The following FHIT variants were observed in gnomAD, a reference collection of about 807,000 sequenced individuals.
FHIT encodes fragile histidine triad diadenosine triphosphatase, also known as bis(5'-adenosyl)-triphosphatase.
FHIT carries 19 observed loss-of-function variants against 17.9 expected under a neutral mutation model. The ratio of observed to expected loss-of-function variants is 1.06; its 90% CI spans 0.74 to 1.56. The LOEUF is 1.56. Ranked by LOEUF, FHIT falls within the 40% of genes most tolerant of loss-of-function variation. FHIT has a pLI of 0.00. For synonymous variants in FHIT, 81 were observed against 69.7 expected (o/e 1.16, Z -0.81); for missense variants, 248 against 189.2 (o/e 1.31, Z -1.82).
chr3:60,579,609 C>CTA (rs1559555178), intron 4 of FHIT, among the ~76,000 whole-genome samples: 1 of 152,014 alleles, frequency 6.6e-6, no homozygotes. Context: ...ACATATATAC[C>CTA]TATATATACA....
chr3:60,980,529 G>A lies in FHIT; in HGVS notation c.-111+61518C>T, dbSNP rs529447130. Among the ~76,000 whole-genome samples, 8 of 152,244 alleles carry A rather than the reference G, an allele frequency of 5.3e-5. No individual in the cohort carries two copies. In the South Asian group the frequency reaches 1.7e-3, roughly 32 times the overall value. ...CTACTTACTGTGGGAAGTTATCACAGAAAATGAAAATCTCCTCTCTGCCTA... is the reference window on the plus strand; with the variant it reads ...CTACTTACTGTGGGAAGTTATCACAAAAAATGAAAATCTCCTCTCTGCCTA... On this transcript the variant is annotated intron_variant, in intron 3 of 9. Coordinates refer to ENST00000492590, the MANE Select transcript of FHIT (RefSeq NM_002012.4).
At chr3:60,547,330 T>G (rs2036400939) in intron 4 of FHIT, among the ~76,000 whole-genome samples, 1 of 152,142 alleles carries the variant, frequency 6.6e-6, no homozygotes, top group African/African-American at 2.4e-5. Flanking sequence ...CAGTCCAAGG[T>G]TTAGACCCTT....
At chr3:59,991,337 G>T (rs1001949005) in intron 7 of FHIT, among the ~76,000 whole-genome samples, 1 of 152,068 alleles carries the variant, frequency 6.6e-6, no homozygotes, top group African/African-American at 2.4e-5. Flanking sequence ...ATCTTCTCCA[G>T]GTAGAAAGGT....
chr3:61,003,448 A>C (rs1032160356), intron 3 of FHIT, among the ~76,000 whole-genome samples: 1 of 152,234 alleles, frequency 6.6e-6, no homozygotes, highest in Admixed American at 6.5e-5. Flanking sequence ...GTACTGAAAC[A>C]TTAGTGATGA....
intron 5 of FHIT, among the ~76,000 whole-genome samples, chr3:60,305,190 G>A (rs1353931232): frequency 2.0e-5 from 3 of 151,934 alleles, no homozygotes; most frequent in East Asian, 1.9e-4. Flanking sequence ...AATATTCTAG[G>A]TCAGGCAGAG....
At chr3:60,244,765 A>G (rs1477362739) in intron 5 of FHIT, among the ~76,000 whole-genome samples, 1 of 152,146 alleles carries the variant, frequency 6.6e-6, no homozygotes, top group African/African-American at 2.4e-5. Context: ...TTAAAATTCT[A>G]GATGTTTCAC....
chr3:60,541,541 A>G (rs1203528218), intron 4 of FHIT, among the ~76,000 whole-genome samples: 1 of 152,232 alleles, frequency 6.6e-6, no homozygotes, highest in African/African-American at 2.4e-5. Context: ...CCAGGCACCC[A>G]TAGTCCTTTG....
intron 5 of FHIT, among the ~76,000 whole-genome samples, chr3:60,044,739 T>C (rs756260771): frequency 6.6e-6 from 1 of 152,192 alleles, no homozygotes; most frequent in African/African-American, 2.4e-5. Flanking sequence ...ACAAGCTTTC[T>C]TCTAAATGAG....
At chr3:60,049,674 C>T (rs939240205) in intron 5 of FHIT, among the ~76,000 whole-genome samples, 1 of 152,010 alleles carries the variant, frequency 6.6e-6, no homozygotes, top group South Asian at 2.1e-4. Context: ...AACATGATCA[C>T]CTAATTCTTT....
At chr3:59,995,568 T>C (rs544248663) in intron 7 of FHIT, among the ~76,000 whole-genome samples, 17 of 152,268 alleles carry the variant, frequency 1.1e-4, no homozygotes, top group African/African-American at 4.1e-4. Flanking sequence ...TGGTAATATT[T>C]TTTAAATTAT....
intron 5 of FHIT, among the ~76,000 whole-genome samples, chr3:60,501,011 G>C (rs1352366428): frequency 1.3e-5 from 2 of 152,010 alleles, no homozygotes; most frequent in Non-Finnish European, 2.9e-5. Flanking sequence ...AACCTCAATT[G>C]CTTTTCCATC....
chr3:59,747,649 T>C lies in FHIT; in HGVS notation c.*1936A>G, dbSNP rs1294221430. Among the ~76,000 whole-genome samples the C allele has an allele frequency of 6.6e-6, 1 of 152,144 alleles. No homozygotes were observed. Among genetic ancestry groups the C allele is most frequent in the Non-Finnish European group, 1.5e-5 (1 of 68,012 alleles). On this transcript the variant is annotated 3_prime_UTR_variant, in exon 10 of 10. Transcript: ENST00000492590. ...CTCTGGATATAGGTGTTCACATTCT[T>C]CTTTGCAACCTGTTGGTTTTCAAGA...
rs1704792707 is a variant in FHIT, at chr3:60,878,602, T to G, written c.-110-56591A>C. On this transcript the variant is annotated intron_variant, in intron 3 of 9. Coordinates refer to ENST00000492590, the MANE Select transcript of FHIT (RefSeq NM_002012.4). ...CTGTGCGGCACCCATTAACTCGTCA[T>G]TTACATTAGGTATATCTCCTAATGC... is the stretch of plus-strand genomic sequence containing the variant. Among the ~76,000 whole-genome samples, 5 of 152,110 alleles carry G rather than the reference T, an allele frequency of 3.3e-5. No individual in the cohort carries two copies. In the South Asian group the frequency reaches 1.0e-3, roughly 32 times the overall value.
intron 4 of FHIT, among the ~76,000 whole-genome samples, chr3:60,685,762 C>T (rs1231988281): frequency 6.6e-6 from 1 of 152,154 alleles, no homozygotes; most frequent in Non-Finnish European, 1.5e-5. Context: ...TATTTACAAA[C>T]TCCCTCTAAA....
At chr3:59,852,668 TC>T (rs1245101345) in intron 8 of FHIT, among the ~76,000 whole-genome samples, 1 of 152,172 alleles carries the variant, frequency 6.6e-6, no homozygotes, top group Non-Finnish European at 1.5e-5. Context: ...TCCTCTGTGA[TC>T]CGCCTATTCA....
At chr3:60,288,590 T>TGTGTGTGTGTGTGTGTGGAGGGGG in intron 5 of FHIT, among the ~76,000 whole-genome samples, 1 of 148,598 alleles carries the variant, frequency 6.7e-6, no homozygotes, top group Non-Finnish European at 1.5e-5. Context: ...TGTGTGTGTG[T>TGTGTGTGTGTGTGTGTGGAGGGGG]GTGTGTGTGT....
chr3:60,267,867 C>T (rs1245291545), intron 5 of FHIT, among the ~76,000 whole-genome samples: 1 of 152,134 alleles, frequency 6.6e-6, no homozygotes, highest in Non-Finnish European at 1.5e-5. Flanking sequence ...TCTTGTAAAA[C>T]TTGGACTTGA....
At chr3:60,250,820 C>A (rs944191352) in intron 5 of FHIT, among the ~76,000 whole-genome samples, 1 of 152,130 alleles carries the variant, frequency 6.6e-6, no homozygotes, top group East Asian at 1.9e-4. Flanking sequence ...CTTGGTTTTG[C>A]TGCCTGCTAA....
intron 3 of FHIT, among the ~76,000 whole-genome samples, chr3:60,965,423 C>T (rs1334190037): frequency 6.6e-6 from 1 of 152,208 alleles, no homozygotes; most frequent in South Asian, 2.1e-4. Flanking sequence ...TCTTCTGAAG[C>T]CTTCTTCACT....
Sources: allele counts gnomAD v4.1 joint callset (sites outside exome capture counted in the v4.1 genomes callset), GRCh38; gene constraint gnomAD v4.1.1; transcripts MANE v1.5; gene names NCBI Gene and HGNC (gene_info 2026-07-23, HGNC 2026-07-21).